PLCL2: variants seen among roughly 807,000 people sequenced by gnomAD.
The protein encoded by PLCL2 is phospholipase C like 2, also known as inactive phospholipase C-like protein 2.
PLCL2 carries 4 observed loss-of-function variants against 79.6 expected under a neutral mutation model. That is an observed-to-expected ratio of 0.05 (90% CI 0.02 to 0.11). The LOEUF (loss-of-function observed/expected upper bound fraction) is 0.11. Among genes scored for constraint, PLCL2 ranks in the 10% least tolerant of loss-of-function variants. The probability of loss-of-function intolerance (pLI) is 1.00; values close to 1 mark genes in which losing one functional copy is unlikely to be tolerated. For missense variants in PLCL2, 895 were observed against 1,291.0 expected (o/e 0.69, Z 4.70); for synonymous variants, 484 against 457.7 (o/e 1.06, Z -0.73).
intron 1 of PLCL2, among the ~76,000 whole-genome samples, chr3:17,001,701 C>T (rs1459286177): frequency 6.6e-6 from 1 of 151,948 alleles, no homozygotes; most frequent in African/African-American, 2.4e-5. Flanking sequence ...TGTTCTGTTC[C>T]ATTGGTCTAT....
At chr3:17,082,591 A>C (rs142096756) in intron 5 of PLCL2, among the ~76,000 whole-genome samples, 10 of 152,142 alleles carry the variant, frequency 6.6e-5, no homozygotes, top group African/African-American at 2.4e-4. Context: ...TCGCCTTGGT[A>C]ATGTCCAAAG....
At chr3:17,078,262 G>T (rs1345567448) in intron 5 of PLCL2, among the ~76,000 whole-genome samples, 1 of 152,186 alleles carries the variant, frequency 6.6e-6, no homozygotes, top group African/African-American at 2.4e-5. Context: ...AAAACTAGTG[G>T]CTTGAAACAA....
At chr3:17,080,569 G>A (rs2065152748) in intron 5 of PLCL2, among the ~76,000 whole-genome samples, 1 of 152,090 alleles carries the variant, frequency 6.6e-6, no homozygotes. Flanking sequence ...TCCTGCCTCA[G>A]CCTCCCGAGT....
intron 1 of PLCL2, among the ~76,000 whole-genome samples, chr3:16,979,186 A>G (rs1342754491): frequency 6.6e-6 from 1 of 152,146 alleles, no homozygotes; most frequent in East Asian, 1.9e-4. Flanking sequence ...TGTGGTTAAA[A>G]GCCTCAATTA....
intron 3 of PLCL2, among the ~76,000 whole-genome samples, chr3:17,024,268 T>A (rs1575592338): frequency 6.6e-6 from 1 of 152,122 alleles, no homozygotes. Context: ...TTGAGATTGA[T>A]GAAGAATTTG....
intron 1 of PLCL2, among the ~76,000 whole-genome samples, chr3:16,960,634 C>T (rs866142348): frequency 1.4e-4 from 22 of 152,186 alleles, no homozygotes; most frequent in African/African-American, 4.8e-4. Context: ...TCCTACCCAC[C>T]TTTCAAGGAC....
At chr3:16,999,146 A>G (rs886795502) in intron 1 of PLCL2, among the ~76,000 whole-genome samples, 1 of 152,132 alleles carries the variant, frequency 6.6e-6, no homozygotes, top group Non-Finnish European at 1.5e-5. Context: ...TAAAATTAAC[A>G]CAAGACTTTG....
intron 1 of PLCL2, among the ~76,000 whole-genome samples, chr3:16,986,092 G>A (rs560183671): frequency 5.9e-5 from 9 of 152,092 alleles, no homozygotes; most frequent in Non-Finnish European, 1.3e-4. Flanking sequence ...CAGGCACAAG[G>A]AGCTGTAGGG....
chr3:16,928,065 T>C (rs1284815106), intron 1 of PLCL2, among the ~76,000 whole-genome samples: 3 of 152,220 alleles, frequency 2.0e-5, no homozygotes, highest in Non-Finnish European at 4.4e-5. Context: ...GGAGGTTACA[T>C]GACCAGCCAA....
intron 1 of PLCL2, among the ~76,000 whole-genome samples, chr3:16,997,020 A>G (rs2064160460): frequency 6.6e-6 from 1 of 152,210 alleles, no homozygotes; most frequent in Admixed American, 6.5e-5. Flanking sequence ...TCACCCCTCA[A>G]TTGAAGAAAC....
intron 1 of PLCL2, among the ~76,000 whole-genome samples, chr3:16,940,208 C>T (rs949928084): frequency 6.6e-6 from 1 of 152,184 alleles, no homozygotes; most frequent in Non-Finnish European, 1.5e-5. Flanking sequence ...TTCCCATTGT[C>T]CTTCCTGCCT....
intron 1 of PLCL2, among the ~76,000 whole-genome samples, chr3:16,927,779 A>G (rs1697291617): frequency 6.6e-6 from 1 of 151,500 alleles, no homozygotes; most frequent in Non-Finnish European, 1.5e-5. Flanking sequence ...GCCAAAGTGT[A>G]CACTCCATGG....
chr3:16,926,303 A>G (rs1697249153), intron 1 of PLCL2, among the ~76,000 whole-genome samples: 1 of 152,202 alleles, frequency 6.6e-6, no homozygotes, highest in Non-Finnish European at 1.5e-5. Context: ...TGGCTTTACT[A>G]CTTCCTAGCA....
chr3:17,048,160 C>T (rs953366161), intron 4 of PLCL2, among the ~76,000 whole-genome samples: 1 of 151,660 alleles, frequency 6.6e-6, no homozygotes, highest in African/African-American at 2.4e-5. Flanking sequence ...TAAGCCATCA[C>T]CACCTGTCAC....
At chr3:17,050,774 A>G (rs1365745562) in intron 4 of PLCL2, among the ~76,000 whole-genome samples, 1 of 152,220 alleles carries the variant, frequency 6.6e-6, no homozygotes, top group African/African-American at 2.4e-5. Flanking sequence ...CTACCATATG[A>G]TCGAGCAATC....
intron 1 of PLCL2, among the ~76,000 whole-genome samples, chr3:16,933,678 A>AT (rs953578708): frequency 2.7e-5 from 4 of 150,124 alleles, no homozygotes; most frequent in African/African-American, 4.9e-5. Context: ...TAAATGTTTT[A>AT]TTTTTTTTCT....
At chr3:16,961,359 C>T (rs1042665478) in intron 1 of PLCL2, among the ~76,000 whole-genome samples, 1 of 152,076 alleles carries the variant, frequency 6.6e-6, no homozygotes, top group African/African-American at 2.4e-5. Context: ...CCATGCTAGG[C>T]AATGAGATAG....
At chr3:16,892,979 T>C (rs1472432515) in intron 1 of PLCL2, among the ~76,000 whole-genome samples, 1 of 152,230 alleles carries the variant, frequency 6.6e-6, no homozygotes, top group Non-Finnish European at 1.5e-5. Context: ...TTCTCCTACT[T>C]GCCCAAGCCA....
intron 4 of PLCL2, among the ~76,000 whole-genome samples, chr3:17,044,345 G>A (rs749144427): frequency 1.3e-5 from 2 of 152,194 alleles, no homozygotes; most frequent in Non-Finnish European, 2.9e-5. Context: ...CTCATCTGCT[G>A]AGACTTCTTT....
Sources: gnomAD v4.1 joint callset for allele counts (sites outside exome capture counted in the v4.1 genomes callset) on GRCh38, gnomAD v4.1.1 for gene constraint, MANE v1.5 for transcripts, NCBI Gene and HGNC (gene_info 2026-07-23, HGNC 2026-07-21) for gene names.